Variants in FLNB observed in about 807,000 individuals in gnomAD.
The protein encoded by FLNB is filamin B, also known as filamin-B.
Under a neutral mutation model 250.6 loss-of-function variants are expected in FLNB, and 111 were observed. The ratio of observed to expected loss-of-function variants is 0.44; its 90% confidence interval spans 0.38 to 0.52. The LOEUF is 0.52. FLNB is among the 20% of genes least tolerant of loss of function. The pLI, the probability that FLNB is intolerant of heterozygous loss-of-function variation, is 0.00. For synonymous variants in FLNB, 1,302 were observed against 1,372.1 expected (o/e 0.95, Z 1.13); for missense variants, 2,869 against 3,447.8 (o/e 0.83, Z 4.20).
At chr3:58,015,221 T>G (rs2097104215) in intron 1 of FLNB, among the ~76,000 whole-genome samples, 3 of 152,212 alleles carry the variant, frequency 2.0e-5, no homozygotes, top group African/African-American at 4.8e-5. Context: ...AAGAGCAAAA[T>G]AGTTGCTATC....
At chr3:58,152,867 CG>C (rs2097347578) in intron 38 of FLNB, 1 of 560,888 alleles carries the variant, frequency 1.8e-6, no homozygotes, top group Non-Finnish European at 2.8e-6. Context: ...GAGCAGCTCA[CG>C]GAGAGTGATG....
intron 1 of FLNB, among the ~76,000 whole-genome samples, chr3:58,023,298 G>A (rs535701624): frequency 9.9e-5 from 15 of 152,038 alleles, no homozygotes; most frequent in African/African-American, 3.6e-4. Flanking sequence ...GGCTAAGCTT[G>A]TCTTGAACTC....
rs1416402691 is a variant in FLNB, at chr3:58,142,617, C to A, written c.5182-33C>A. 6.4e-7 allele frequency: 1 copy of A among 1,565,190 alleles called. No individual in the cohort carries two copies. Among genetic ancestry groups the A allele is most frequent in the Non-Finnish European group, 8.8e-7 (1 of 1,135,992 alleles). On this transcript the variant is annotated intron_variant, in intron 30 of 45. Transcript: ENST00000295956. The surrounding 1 kb of genome is among the most constrained non-coding windows in gnomAD (Gnocchi z 4.3). The stretch of plus-strand genomic sequence containing the variant: ...CTTCACCAGCTCCCGCTGTTGTCTG[C>A]TTTACCCAGTGACCACTGCCTTCTG...
chr3:58,008,899 C>T, intron 1 of FLNB, 43 bp downstream of exon 1: 2 of 1,609,860 alleles, frequency 1.2e-6, no homozygotes, highest in Non-Finnish European at 1.7e-6. Context: ...GTGGTGCCGA[C>T]CCGCCCCCGC....
chr3:58,094,918 G>A lies in FLNB; in HGVS notation c.870G>A (p.Met290Ile). The A allele has an allele frequency of 6.2e-7, 1 of 1,614,180 alleles. No individual in the cohort carries two copies. The highest frequency in any genetic ancestry group is 8.5e-7 in the Non-Finnish European group (1 of 1,180,014). ...DTISAGQGDV[M>I]VFVEDPEGNK... ...TCAGCGCCGGGCAAGGAGACGTGAT[G>A]GTGTTTGTTGAGGACCCAGAAGGGA... Residue 290 changes from methionine to isoleucine, a missense_variant, in exon 5 of 46, where the codon ATG (methionine) becomes ATA (isoleucine). Coordinates refer to ENST00000295956, the MANE Select transcript of FLNB (RefSeq NM_001457.4).
chr3:58,102,180 T>C, intron 8 of FLNB, 23 bp from the exon 9 acceptor site: 1 of 1,614,080 alleles, frequency 6.2e-7, no homozygotes, highest in Non-Finnish European at 8.5e-7. Flanking sequence ...AAGATTGAAT[T>C]GATGTCAAAA....
chr3:58,065,284 A>C (rs557595945), intron 1 of FLNB, among the ~76,000 whole-genome samples: 5 of 152,376 alleles, frequency 3.3e-5, no homozygotes, highest in African/African-American at 1.2e-4. Context: ...CCTCCCAAGC[A>C]CAGCATGTGT....
At chr3:58,083,300 T>C (rs1335711572) in intron 4 of FLNB, among the ~76,000 whole-genome samples, 1 of 151,532 alleles carries the variant, frequency 6.6e-6, no homozygotes, top group Non-Finnish European at 1.5e-5. Context: ...ATGTGTCTTG[T>C]AGGATGTTCC....
chr3:58,015,983 T>C (rs934171384), intron 1 of FLNB, among the ~76,000 whole-genome samples: 2 of 151,420 alleles, frequency 1.3e-5, no homozygotes, highest in Non-Finnish European at 2.9e-5. Context: ...AGTGGAGGGG[T>C]GGGCAGGGCT....
At chr3:58,166,304 G>T (rs2097370419) in intron 43 of FLNB, among the ~76,000 whole-genome samples, 1 of 152,116 alleles carries the variant, frequency 6.6e-6, no homozygotes, top group Admixed American at 6.5e-5. Flanking sequence ...ATTGCATTAG[G>T]GCCAAATGGG....
intron 42 of FLNB, among the ~76,000 whole-genome samples, chr3:58,160,809 CT>C (rs1351192408): frequency 6.6e-6 from 1 of 151,456 alleles, no homozygotes; most frequent in African/African-American, 2.4e-5. Context: ...AGTGAGACCC[CT>C]TCTCTACAAA....
chr3:58,123,132 G>A lies in FLNB; in HGVS notation c.3166G>A (p.Gly1056Ser), dbSNP rs531172888. The part of the protein sequence containing the change: ...HGPGLEGGLV[G>S]KPAEFTIDTK... Reference sequence around the variant, plus strand: ...TCCCGGCCTCGAAGGTGGTCTCGTGGGCAAGCCTGCCGAGTTCACCATCGA... The same window carrying A: ...TCCCGGCCTCGAAGGTGGTCTCGTGAGCAAGCCTGCCGAGTTCACCATCGA... Residue 1056 changes from glycine (G) to serine (S), a missense_variant, in exon 21 of 46, where the codon GGC (glycine) becomes AGC (serine). Around this residue, in one of 5 missense-constraint regions of FLNB, gnomAD observed 1,348 missense variants for 1,466.7 expected, o/e 0.92. Transcript: ENST00000295956. 1 of 1,614,190 alleles carries A rather than the reference G, an allele frequency of 6.2e-7. No individual in the cohort carries two copies. Among genetic ancestry groups the A allele is most frequent in the Admixed American group, 1.7e-5 (1 of 60,020 alleles).
At chr3:58,120,290 T>A (rs2097286354) in intron 19 of FLNB, among the ~76,000 whole-genome samples, 1 of 152,216 alleles carries the variant, frequency 6.6e-6, no homozygotes, top group African/African-American at 2.4e-5. Context: ...TGTCACTCCT[T>A]TCCCCAAGAC....
Position 58,105,180 on chromosome 3 carries a change from G to T in FLNB, c.1711G>T (p.Val571Leu), listed in dbSNP as rs760127618. 3.1e-6 allele frequency: 5 copies of T among 1,614,218 alleles called. No homozygotes were observed. Among genetic ancestry groups the T allele is most frequent in the Admixed American group, 1.7e-5 (1 of 60,028 alleles). Residue 571 changes from valine to leucine, a missense_variant, in exon 11 of 46, where the codon GTG becomes TTG. Transcript: ENST00000295956. Reference protein sequence around the residue: ...GGIVGRSADFVVESIGSEVGS... With the variant: ...GGIVGRSADFLVESIGSEVGS... ...GATTGTCGGGCGGTCAGCGGACTTC[G>T]TGGTAGAATCCATTGGCTCTGAAGT...
At chr3:58,057,989 A>G (rs1048291989) in intron 1 of FLNB, among the ~76,000 whole-genome samples, 1 of 152,062 alleles carries the variant, frequency 6.6e-6, no homozygotes, top group African/African-American at 2.4e-5. Flanking sequence ...GGGTTTCACC[A>G]TATTGGTCAG....
chr3:58,089,869 C>G (rs2097223426), intron 4 of FLNB, among the ~76,000 whole-genome samples: 1 of 152,114 alleles, frequency 6.6e-6, no homozygotes, highest in African/African-American at 2.4e-5. Flanking sequence ...TTACTGCAAC[C>G]TCTGCCTCCT....
chr3:58,121,895 C>T (rs996069966), intron 20 of FLNB, among the ~76,000 whole-genome samples: 1 of 152,156 alleles, frequency 6.6e-6, no homozygotes, highest in Non-Finnish European at 1.5e-5. Context: ...TCTGGCCAGG[C>T]GCGGTGGCTC....
chr3:58,145,917 C>G lies in FLNB; in HGVS notation c.5426-4C>G, dbSNP rs2097335183. 1 of 1,613,998 alleles carries G rather than the reference C, an allele frequency of 6.2e-7. No homozygotes were observed. The highest frequency in any genetic ancestry group is 8.5e-7 in the Non-Finnish European group (1 of 1,180,048). On this transcript the variant is annotated splice_region_variant and splice_polypyrimidine_tract_variant and intron_variant, in intron 32 of 45. Transcript: ENST00000295956. ...AATTTTGTTTGTGTCCTTCGTAAACCCAGAGAGCCCACTCCAGTTCTACGT... is the reference window on the plus strand; with the variant it reads ...AATTTTGTTTGTGTCCTTCGTAAACGCAGAGAGCCCACTCCAGTTCTACGT...
rs2097358456 is a variant in FLNB, at chr3:58,159,644, T to C, written c.6979T>C (p.Ser2327Pro). The C allele has an allele frequency of 6.2e-7, 1 of 1,613,864 alleles. No homozygotes were observed. The highest frequency in any genetic ancestry group is 1.3e-5 in the African/African-American group (1 of 74,918). Residue 2327 changes from serine to proline, a missense_variant, in exon 42 of 46, where the codon TCT becomes CCT. This residue lies in a region of FLNB where 1,084 missense variants were observed against 1,315.5 expected (regional missense o/e 0.82). Transcript: ENST00000295956. Reference sequence around the variant, plus strand: ...GATTGATGCAAAGGTGCACAGCCCCTCTGGAGCCGTGGAGGAGTGCCACGT... The same window carrying C: ...GATTGATGCAAAGGTGCACAGCCCCCCTGGAGCCGTGGAGGAGTGCCACGT... ...GKIDAKVHSP[S>P]GAVEECHVSE...
Sources: allele counts gnomAD v4.1 joint callset (sites outside exome capture counted in the v4.1 genomes callset), GRCh38; gene constraint gnomAD v4.1.1; regional missense constraint gnomAD v4.1.1; non-coding constraint Gnocchi (gnomAD v3.1); transcripts MANE v1.5; gene names NCBI Gene and HGNC (gene_info 2026-07-23, HGNC 2026-07-21).